The following VWCE variants were observed in gnomAD, a reference collection of about 807,000 sequenced individuals.
The protein encoded by VWCE is von Willebrand factor C and EGF domains.
Under a neutral mutation model 102.9 loss-of-function variants are expected in VWCE, and 68 were observed. That is an observed-to-expected ratio of 0.66 (90% CI 0.54 to 0.81). The LOEUF is 0.81. Ranked by LOEUF, VWCE falls within the 30% of genes least tolerant of loss-of-function variation. VWCE has a pLI of 0.00. For synonymous variants in VWCE, 497 were observed against 515.4 expected (o/e 0.96, Z 0.48); for missense variants, 1,137 against 1,263.6 (o/e 0.90, Z 1.52).
chr11:61,262,028 A>T (rs766297546), intron 19 of VWCE, among the ~76,000 whole-genome samples: 2 of 152,020 alleles, frequency 1.3e-5, no homozygotes, highest in African/African-American at 2.4e-5. Context: ...GTCTCAGCTC[A>T]CTGCAACCTC....
Position 61,282,917 on chromosome 11 carries a change from A to G in VWCE, c.542-12T>C, listed in dbSNP as rs781453455. The G allele has an allele frequency of 3.1e-6, 5 of 1,607,872 alleles. No individual in the cohort carries two copies. In the Admixed American group the frequency reaches 8.3e-5, roughly 27 times the overall value. The stretch of plus-strand genomic sequence containing the variant: ...GCATTCGTCAGTGTCTGGCAGGAAA[A>G]GGGACAAGACTGGGGTTCATTTCCC... On this transcript the variant is annotated splice_polypyrimidine_tract_variant and intron_variant, in intron 5 of 19. Transcript: ENST00000335613.
At chr11:61,271,794 C>T in intron 13 of VWCE, 34 bp from the exon 14 acceptor site, 1 of 1,597,060 alleles carries the variant, frequency 6.3e-7, no homozygotes, top group Middle Eastern at 1.7e-4. Flanking sequence ...AAAGACGGCA[C>T]AAGACCTAGA....
At chr11:61,264,930 C>A (rs746132774) in intron 18 of VWCE, 26 bp downstream of exon 18, 5 of 1,611,982 alleles carry the variant, frequency 3.1e-6, no homozygotes, top group Non-Finnish European at 4.2e-6. Flanking sequence ...GGCGGGGCCG[C>A]TCCTGGGTTC....
intron 11 of VWCE, among the ~76,000 whole-genome samples, chr11:61,275,940 GA>G (rs1484667826): frequency 6.6e-6 from 1 of 152,224 alleles, no homozygotes; most frequent in Non-Finnish European, 1.5e-5. Context: ...GCTGGGCTGT[GA>G]GCACAGTCTA....
At chr11:61,284,986 GCT>G (rs1275988418) in intron 5 of VWCE, among the ~76,000 whole-genome samples, 1 of 151,908 alleles carries the variant, frequency 6.6e-6, no homozygotes, top group African/African-American at 2.4e-5. Context: ...ATACCAGAGA[GCT>G]CTCTCTCCAA....
chr11:61,261,576 T>TAA (rs35416433), intron 19 of VWCE, among the ~76,000 whole-genome samples: 4 of 140,606 alleles, frequency 2.8e-5, no homozygotes, highest in African/African-American at 5.2e-5. Flanking sequence ...ACCTTGTCTC[T>TAA]AAAAAAAAAA....
At chr11:61,283,705 T>G (rs1855218848) in intron 5 of VWCE, among the ~76,000 whole-genome samples, 1 of 152,208 alleles carries the variant, frequency 6.6e-6, no homozygotes, top group African/African-American at 2.4e-5. Flanking sequence ...GGCCACTGGC[T>G]TAAATTCTTG....
intron 1 of VWCE, among the ~76,000 whole-genome samples, chr11:61,291,908 C>T (rs1486727362): frequency 2.6e-5 from 4 of 152,240 alleles, no homozygotes; most frequent in Non-Finnish European, 5.9e-5. Context: ...GACCTTTGCA[C>T]TTGCAGTTCC....
chr11:61,284,457 A>G (rs1030796667), intron 5 of VWCE, among the ~76,000 whole-genome samples: 17 of 152,194 alleles, frequency 1.1e-4, no homozygotes, highest in African/African-American at 3.9e-4. Flanking sequence ...GGGGAGGGGC[A>G]AGGAGGGCAC....
rs1044022633 is a variant in VWCE, at chr11:61,271,450, T to C, written c.1785+225A>G. 7.5e-5 allele frequency: 34 copies of C among 455,682 alleles called. No homozygotes were observed. The East Asian group carries it at 1.4e-3, about 18-fold the overall frequency. The allele number at this position is 455,682 out of a possible 1,614,324, so 28.2% of individuals were successfully genotyped here. ...GTGAGCCACCGCACCTGGCCAACAA[T>C]ACACACTTCTTAAGGCCAACTGCCA... On this transcript the variant is annotated intron_variant, in intron 14 of 19. Coordinates refer to ENST00000335613, the MANE Select transcript of VWCE (RefSeq NM_152718.2).
At chr11:61,277,747 G>A (rs1278283088) in intron 10 of VWCE, among the ~76,000 whole-genome samples, 2 of 152,244 alleles carry the variant, frequency 1.3e-5, no homozygotes, top group Middle Eastern at 3.4e-3. Flanking sequence ...GGGCAGTAAA[G>A]CTGACCCCGA....
intron 4 of VWCE, among the ~76,000 whole-genome samples, chr11:61,287,719 G>A (rs962617001): frequency 6.6e-6 from 1 of 152,198 alleles, no homozygotes; most frequent in African/African-American, 2.4e-5. Context: ...GGAGTATCGG[G>A]AGAAGGACTG....
chr11:61,260,510 C>G (rs1281437037), intron 19 of VWCE, among the ~76,000 whole-genome samples: 1 of 152,058 alleles, frequency 6.6e-6, no homozygotes, highest in Non-Finnish European at 1.5e-5. Flanking sequence ...GTTACCCAGG[C>G]TGGTCTCAAA....
intron 15 of VWCE, 66 bp downstream of exon 15, chr11:61,268,856 G>A: frequency 6.5e-7 from 1 of 1,529,058 alleles, no homozygotes; most frequent in Non-Finnish European, 9.0e-7. Flanking sequence ...AGGCTGTATA[G>A]GGCTTAAGGA....
chr11:61,264,903 G>A (rs918431436), intron 18 of VWCE, 53 bp downstream of exon 18: 19 of 1,592,272 alleles, frequency 1.2e-5, no homozygotes, highest in Non-Finnish European at 1.5e-5. Flanking sequence ...GGGACAAAAG[G>A]CAAGAAGCTG....
In VWCE at chr11:61,281,831, A is replaced by G; in HGVS notation, c.742T>C (p.Cys248Arg). 11 of 1,613,920 alleles carry G rather than the reference A, an allele frequency of 6.8e-6. No homozygotes were observed. The highest frequency in any genetic ancestry group is 9.3e-6 in the Non-Finnish European group (11 of 1,179,878). The change falls in exon 7 of 20, where the codon TGC becomes CGC. Residue 248 changes from cysteine (C) to arginine (R), a missense_variant. Physicochemically the swap from Cys to Arg is radical, Grantham distance 180. Around this residue, in one of 5 missense-constraint regions of VWCE, gnomAD observed 575 missense variants for 625.9 expected, o/e 0.92. Transcript: ENST00000335613. ...GCTCGGAGCCTGAAGCCAGGTCGGC[A>G]TGTGCATAGGAAGCTGCCCACGGTG... The part of the protein sequence containing the change: ...HNTVGSFLCT[C>R]RPGFRLRADR...
chr11:61,282,749 C>T (rs769730239), intron 6 of VWCE, 40 bp downstream of exon 6: 6 of 1,538,578 alleles, frequency 3.9e-6, no homozygotes, highest in Non-Finnish European at 5.4e-6. Context: ...TCCTGATTGG[C>T]AGCCTAAGTG....
At chr11:61,281,310 G>A (rs1005093733) in intron 7 of VWCE, 75 bp from the exon 8 acceptor site, 16 of 1,543,212 alleles carry the variant, frequency 1.0e-5, no homozygotes, top group Middle Eastern at 2.3e-4. Flanking sequence ...ACCTGGGCTC[G>A]GCTCCACCAC....
At chr11:61,274,465 A>G (rs1441863630) in intron 12 of VWCE, 34 bp downstream of exon 12, 1 of 1,604,078 alleles carries the variant, frequency 6.2e-7, no homozygotes, top group Non-Finnish European at 8.5e-7. Flanking sequence ...CTCTCCATCA[A>G]TTCCACAGGC....
Sources: allele counts gnomAD v4.1 joint callset (sites outside exome capture counted in the v4.1 genomes callset), GRCh38; gene constraint gnomAD v4.1.1; regional missense constraint gnomAD v4.1.1; transcripts MANE v1.5; gene names NCBI Gene and HGNC (gene_info 2026-07-23, HGNC 2026-07-21).